Variants in UBE3C observed in about 807,000 individuals in gnomAD.
UBE3C encodes ubiquitin-protein ligase E3C.
A neutral mutation model predicts 129.4 loss-of-function variants in UBE3C; 42 were observed. The ratio of observed to expected loss-of-function variants is 0.32; its 90% CI spans 0.25 to 0.42. UBE3C has a LOEUF of 0.42. Among genes scored for constraint, UBE3C ranks in the 10% least tolerant of loss-of-function variants. The pLI, the probability that UBE3C is intolerant of heterozygous loss-of-function variation, is 1.00. For synonymous variants in UBE3C, 510 were observed against 492.4 expected, an observed-to-expected ratio of 1.04 and a Z score of -0.47; for missense variants, 1,049 against 1,319.1, an observed-to-expected ratio of 0.80 and a Z score of 3.17.
chr7:157,182,567 A>G (rs1231127793), intron 8 of UBE3C, among the ~76,000 whole-genome samples: 1 of 152,168 alleles, frequency 6.6e-6, no homozygotes, highest in Non-Finnish European at 1.5e-5. Flanking sequence ...TAATAGAGTT[A>G]ACAGAGTTAA....
intron 10 of UBE3C, chr7:157,197,580 C>G: frequency 6.6e-7 from 1 of 1,526,586 alleles, no homozygotes; most frequent in Non-Finnish European, 9.0e-7. Flanking sequence ...CCACATGGTA[C>G]TGCATGGATA....
chr7:157,193,197 G>C (rs1290764044), intron 10 of UBE3C, among the ~76,000 whole-genome samples: 3 of 152,192 alleles, frequency 2.0e-5, no homozygotes, highest in East Asian at 3.9e-4. Flanking sequence ...TTTGAATCTT[G>C]CATTATCTGA....
At chr7:157,207,616 G>A (rs1809470066) in intron 12 of UBE3C, 61 bp downstream of exon 12, 2 of 1,588,244 alleles carry the variant, frequency 1.3e-6, no homozygotes, top group Non-Finnish European at 1.7e-6. Context: ...TTCATAGACA[G>A]TAGAAAAGTT....
intron 21 of UBE3C, 178 bp from the exon 22 acceptor site, chr7:157,256,736 A>C: frequency 1.1e-5 from 7 of 662,676 alleles, no homozygotes; most frequent in Non-Finnish European, 1.8e-5. Context: ...CCAGTGCTCT[A>C]GAGATCATGG....
At chr7:157,182,372 A>G (rs137995730) in intron 8 of UBE3C, 44 bp downstream of exon 8, 3 of 1,587,456 alleles carry the variant, frequency 1.9e-6, no homozygotes, top group East Asian at 2.2e-5. Context: ...ACATATGGGT[A>G]GCATTGGCAG....
chr7:157,208,092 T>TG (rs759855330), intron 13 of UBE3C, among the ~76,000 whole-genome samples, 157 bp downstream of exon 13: 5 of 128,096 alleles, frequency 3.9e-5, no homozygotes, highest in Non-Finnish European at 6.4e-5. Flanking sequence ...TTTTTTTTTT[T>TG]GATACATGGA....
intron 10 of UBE3C, among the ~76,000 whole-genome samples, chr7:157,190,920 T>C (rs1808945353): frequency 6.6e-6 from 1 of 152,226 alleles, no homozygotes; most frequent in Non-Finnish European, 1.5e-5. Flanking sequence ...CCCTTTCCTT[T>C]TGCGTATGCC....
chr7:157,167,224 C>G (rs898629977), intron 2 of UBE3C, among the ~76,000 whole-genome samples: 7 of 152,162 alleles, frequency 4.6e-5, no homozygotes, highest in African/African-American at 1.7e-4. Context: ...AGCCACCATG[C>G]CCGACCTCAC....
At chr7:157,156,206 ATAT>A (rs1807897787) in intron 1 of UBE3C, among the ~76,000 whole-genome samples, 1 of 151,890 alleles carries the variant, frequency 6.6e-6, no homozygotes, top group African/African-American at 2.4e-5. Flanking sequence ...AAGTGAGAAA[ATAT>A]TATAAGTACA....
intron 10 of UBE3C, among the ~76,000 whole-genome samples, chr7:157,194,180 G>A (rs531900299): frequency 5.1e-4 from 77 of 152,290 alleles, no homozygotes; most frequent in Non-Finnish European, 9.0e-4. Flanking sequence ...TTTGAAATGG[G>A]GCTGGCTGTT....
intron 18 of UBE3C, 78 bp downstream of exon 18, chr7:157,231,405 A>G: frequency 5.8e-6 from 9 of 1,558,862 alleles, no homozygotes; most frequent in Non-Finnish European, 7.8e-6. Flanking sequence ...GTTGTTATCC[A>G]GGTTTACCAT....
At chr7:157,178,541 T>G in intron 5 of UBE3C, 149 bp from the exon 6 acceptor site, 2 of 787,860 alleles carry the variant, frequency 2.5e-6, no homozygotes, top group Non-Finnish European at 3.9e-6. Flanking sequence ...AGTTGGATGA[T>G]TTCCCTGTCT....
chr7:157,224,646 T>TG (rs539667971), intron 16 of UBE3C, among the ~76,000 whole-genome samples: 23 of 152,336 alleles, frequency 1.5e-4, no homozygotes, highest in African/African-American at 4.6e-4. Flanking sequence ...AAAGATTACT[T>TG]GGTTCCGTTC....
chr7:157,218,109 T>A (rs995040116), intron 14 of UBE3C, among the ~76,000 whole-genome samples: 4 of 152,202 alleles, frequency 2.6e-5, no homozygotes, highest in African/African-American at 7.2e-5. Flanking sequence ...TGGATTCATT[T>A]CAGAATCTTG....
intron 2 of UBE3C, among the ~76,000 whole-genome samples, chr7:157,165,816 A>T (rs941263483): frequency 1.3e-5 from 2 of 152,152 alleles, no homozygotes; most frequent in African/African-American, 4.8e-5. Context: ...ACATAATTAT[A>T]GATTTTTTAA....
intron 1 of UBE3C, among the ~76,000 whole-genome samples, chr7:157,158,630 T>C (rs937303995): frequency 2.0e-5 from 3 of 152,222 alleles, no homozygotes; most frequent in African/African-American, 7.2e-5. Flanking sequence ...ACAAATACAT[T>C]GAGCAGCTGT....
intron 2 of UBE3C, among the ~76,000 whole-genome samples, chr7:157,165,202 A>T (rs1410633833): frequency 1.3e-5 from 2 of 152,066 alleles, no homozygotes; most frequent in African/African-American, 4.8e-5. Context: ...TATCTCTTCC[A>T]TTAGTGCTTT....
Position 157,174,929 on chromosome 7 carries a change from A to T in UBE3C, c.353A>T (p.Tyr118Phe). The change falls in exon 5 of 23, where the codon TAT becomes TTT. Residue 118 changes from tyrosine to phenylalanine, a missense_variant. Around this residue, in one of 4 missense-constraint regions of UBE3C, gnomAD observed 489 missense variants for 513.8 expected, o/e 0.95. Transcript: ENST00000348165. The part of the protein sequence containing the change: ...NEDSKRLIWL[Y>F]QNLIKHSSLF... Reference sequence around the variant, plus strand: ...GTTTTGCTGTTTCAGATATGGCTGTATCAGAACTTAATTAAACACAGCTCT... The same window carrying T: ...GTTTTGCTGTTTCAGATATGGCTGTTTCAGAACTTAATTAAACACAGCTCT... 1 of 1,610,070 alleles carries T rather than the reference A, an allele frequency of 6.2e-7. No homozygotes were observed. The highest frequency in any genetic ancestry group is 1.1e-5 in the South Asian group (1 of 90,022).
intron 22 of UBE3C, among the ~76,000 whole-genome samples, chr7:157,257,404 G>A (rs1012474131): frequency 6.6e-6 from 1 of 152,160 alleles, no homozygotes; most frequent in Non-Finnish European, 1.5e-5. Context: ...TAGAGATGTT[G>A]ATGGAGTGTA....
Sources: gnomAD v4.1 joint callset for allele counts (sites outside exome capture counted in the v4.1 genomes callset) on GRCh38, gnomAD v4.1.1 for gene constraint, gnomAD v4.1.1 regional missense constraint, MANE v1.5 for transcripts, NCBI Gene and HGNC (gene_info 2026-07-23, HGNC 2026-07-21) for gene names.